P4HB: variants seen among roughly 807,000 people sequenced by gnomAD.
P4HB encodes the protein prolyl 4-hydroxylase subunit beta, also known as protein disulfide-isomerase.
In P4HB, 20 loss-of-function variants were observed where a neutral mutation model predicts 52.6. That is an observed-to-expected ratio of 0.38 (90% CI 0.27 to 0.55). P4HB has a LOEUF of 0.55. Ranked by LOEUF, P4HB falls within the 20% of genes least tolerant of loss-of-function variation. The pLI is 0.74. For synonymous variants in P4HB, 296 were observed against 277.9 expected (o/e 1.07, Z -0.65); for missense variants, 601 against 669.2 (o/e 0.90, Z 1.12).
In P4HB at chr17:81,846,748, G is replaced by T; in HGVS notation, c.856-119C>A. 2.4e-6 allele frequency: 3 copies of T among 1,259,450 alleles called. No homozygotes were observed. Among genetic ancestry groups the T allele is most frequent in the Non-Finnish European group, 3.4e-6 (3 of 889,450 alleles). 78.0% of individuals were successfully genotyped at this position (1,259,450 alleles called of 1,614,324 possible). On this transcript the variant is annotated intron_variant, in intron 6 of 10. Transcript: ENST00000331483. The surrounding 1 kb of genome is among the most constrained non-coding windows in gnomAD (Gnocchi z 5.7). ...CTTTTTCCTCCAACCTGGATTCCGG[G>T]GTTGCCCAACCAGACCAGCAGGTGA...
chr17:81,846,633 G>A lies in P4HB; in HGVS notation c.856-4C>T, dbSNP rs764903842. 1.9e-5 allele frequency: 31 copies of A among 1,613,214 alleles called. No individual in the cohort carries two copies. The South Asian group carries it at 3.0e-4, about 15-fold the overall frequency. ...TGTCGATGAAGATGAACAGGATCTG[G>A]GGGAGAAAAGGAGGTTGCACAGGTG... On this transcript the variant is annotated splice_polypyrimidine_tract_variant and splice_region_variant and intron_variant, in intron 6 of 10. Coordinates refer to ENST00000331483, the MANE Select transcript of P4HB (RefSeq NM_000918.4). The surrounding 1 kb of genome is among the most constrained non-coding windows in gnomAD (Gnocchi z 5.7).
intron 4 of P4HB, among the ~76,000 whole-genome samples, chr17:81,850,455 CTTAT>C (rs1211888494): frequency 1.3e-5 from 2 of 150,920 alleles, no homozygotes; most frequent in South Asian, 2.1e-4. Flanking sequence ...TTTTAAAATA[CTTAT>C]TTATTTAATT....
intron 1 of P4HB, 86 bp from the exon 2 acceptor site, chr17:81,859,473 G>T: frequency 8.4e-7 from 1 of 1,188,934 alleles, no homozygotes; most frequent in Non-Finnish European, 1.2e-6. Flanking sequence ...TTTTCCTCTG[G>T]CATTTCCCTT....
At chr17:81,856,118 C>G (rs1292930200) in intron 2 of P4HB, 2 of 152,684 alleles carry the variant, frequency 1.3e-5, no homozygotes, top group African/African-American at 4.8e-5. Flanking sequence ...GTTTGCCCAC[C>G]ACGACTTCCC....
At chr17:81,858,967 A>C in intron 2 of P4HB, 1 of 574,058 alleles carries the variant, frequency 1.7e-6, no homozygotes, top group East Asian at 3.0e-5. Context: ...GGCACCAGAC[A>C]AGACAGGTTC....
In P4HB at chr17:81,846,719, G is replaced by C; in HGVS notation, c.856-90C>G. ...TTGCTCGGAAGCAGACCGTGCTCCG[G>C]TGCCTTTTTCCTCCAACCTGGATTC... On this transcript the variant is annotated intron_variant, in intron 6 of 10. Coordinates refer to ENST00000331483, the MANE Select transcript of P4HB (RefSeq NM_000918.4). The surrounding 1 kb of genome is among the most constrained non-coding windows in gnomAD (Gnocchi z 5.7). 2 of 1,375,790 alleles carry C rather than the reference G, an allele frequency of 1.5e-6. No individual in the cohort carries two copies. Among genetic ancestry groups the C allele is most frequent in the East Asian group, 4.7e-5 (2 of 42,634 alleles). 85.2% of individuals were successfully genotyped at this position (1,375,790 alleles called of 1,614,324 possible). A position where few individuals can be genotyped will look rare whatever the true frequency, so the allele number is the denominator to read the frequency against.
Position 81,855,803 on chromosome 17 carries a change from G to A in P4HB, c.353-217C>T, listed in dbSNP as rs1598270598. ...TGGTTGTGTTTATGGGGAGTGGAGA[G>A]GGAAGAGGGTGATTCTGTCTCTGAA... is the stretch of plus-strand genomic sequence containing the variant. On this transcript the variant is annotated intron_variant, in intron 2 of 10. Transcript: ENST00000331483. The surrounding 1 kb of genome is among the most constrained non-coding windows in gnomAD (Gnocchi z 4.3). 3.9e-6 allele frequency: 2 copies of A among 515,056 alleles called. No homozygotes were observed. The highest frequency in any genetic ancestry group is 6.8e-6 in the Non-Finnish European group (2 of 293,154). The allele number at this position is 515,056 out of a possible 1,614,324, so 31.9% of individuals were successfully genotyped here.
rs1167492062 is a variant in P4HB, at chr17:81,855,662, GCT to G, written c.353-78_353-77del. 2.0e-6 allele frequency: 3 copies of G among 1,527,718 alleles called. No individual in the cohort carries two copies. The African/African-American group carries it at 4.1e-5, about 21-fold the overall frequency. The allele number at this position is 1,527,718 out of a possible 1,614,324, so 94.6% of individuals were successfully genotyped here. A position where few individuals can be genotyped will look rare whatever the true frequency, so the allele number is the denominator to read the frequency against. On this transcript the variant is annotated intron_variant, in intron 2 of 10. Transcript: ENST00000331483. This position sits in a 1 kb window ranked among gnomAD's most constrained non-coding sequence, Gnocchi z 4.3. ...CCCTGCCGCGCCTGCTCCCGTCTCTGCTCTCTGCCAGCCAGGCTGAGGACACC... is the reference window on the plus strand; with the variant it reads ...CCCTGCCGCGCCTGCTCCCGTCTCTGCTCTGCCAGCCAGGCTGAGGACACC...
intron 4 of P4HB, among the ~76,000 whole-genome samples, chr17:81,852,403 G>T (rs758299785): frequency 3.3e-5 from 5 of 152,220 alleles, no homozygotes; most frequent in South Asian, 2.1e-4. Context: ...ACACAGGAAG[G>T]CCTCACTCAC....
rs150673797 is a variant in P4HB, at chr17:81,844,998, C to T, written c.1446+146G>A. The T allele has an allele frequency of 1.9e-5, 12 of 642,110 alleles. 1 individual carries two copies. The highest frequency in any genetic ancestry group is 7.1e-5 in the South Asian group (4 of 56,168). The allele number at this position is 642,110 out of a possible 1,614,324, so 39.8% of individuals were successfully genotyped here. A position where few individuals can be genotyped will look rare whatever the true frequency, so the allele number is the denominator to read the frequency against. On this transcript the variant is annotated intron_variant, in intron 10 of 10. Coordinates refer to ENST00000331483, the MANE Select transcript of P4HB (RefSeq NM_000918.4). ...GGAGCACATCCCTTGCCCTGCTGGGCGAAGGTGTGGGGCCCCAGAGCCCTG... is the reference window on the plus strand; with the variant it reads ...GGAGCACATCCCTTGCCCTGCTGGGTGAAGGTGTGGGGCCCCAGAGCCCTG...
At chr17:81,845,805 G>A in intron 8 of P4HB, 63 bp from the exon 9 acceptor site, 1 of 1,612,992 alleles carries the variant, frequency 6.2e-7, no homozygotes, top group Non-Finnish European at 8.5e-7. Context: ...CGCTTCCCCA[G>A]GAGTCTGCCT....
Position 81,855,760 on chromosome 17 carries a change from C to A in P4HB, c.353-174G>T, listed in dbSNP as rs1598270552. ...GTGCCGTCCGCCCGCCTCCTAAACC[C>A]CAGTGTACGTGAGACTGTGGTTGTG... is the stretch of plus-strand genomic sequence containing the variant. On this transcript the variant is annotated intron_variant, in intron 2 of 10. Coordinates refer to ENST00000331483, the MANE Select transcript of P4HB (RefSeq NM_000918.4). The surrounding 1 kb of genome is among the most constrained non-coding windows in gnomAD (Gnocchi z 4.3). The A allele has an allele frequency of 1.6e-6, 1 of 643,920 alleles. No homozygotes were observed. The highest frequency in any genetic ancestry group is 2.8e-5 in the East Asian group (1 of 35,620). The allele number at this position is 643,920 out of a possible 1,614,324, so 39.9% of individuals were successfully genotyped here.
intron 4 of P4HB, among the ~76,000 whole-genome samples, chr17:81,854,237 C>A (rs1361154668): frequency 6.6e-6 from 1 of 152,216 alleles, no homozygotes; most frequent in Non-Finnish European, 1.5e-5. Context: ...GTAGTTAATA[C>A]TTTAGAATAG....
At chr17:81,860,239 A>C (rs1241350071) in intron 1 of P4HB, 88 bp downstream of exon 1, 3 of 1,137,210 alleles carry the variant, frequency 2.6e-6, no homozygotes, top group African/African-American at 1.6e-5. Flanking sequence ...GGGGGTCCCG[A>C]CCCCGGGGGC....
chr17:81,844,380 G>T (rs1018360114), intron 10 of P4HB, among the ~76,000 whole-genome samples: 1 of 152,186 alleles, frequency 6.6e-6, no homozygotes, highest in African/African-American at 2.4e-5. Flanking sequence ...GGCATGGAAG[G>T]CGTATGTGTG....
In P4HB at chr17:81,843,809, T is replaced by A; in HGVS notation, c.*203A>T. 5 of 610,066 alleles carry A rather than the reference T, an allele frequency of 8.2e-6. No homozygotes were observed. The highest frequency in any genetic ancestry group is 1.5e-5 in the Non-Finnish European group (5 of 342,908). 37.8% of individuals were successfully genotyped at this position (610,066 alleles called of 1,614,324 possible). A position where few individuals can be genotyped will look rare whatever the true frequency, so the allele number is the denominator to read the frequency against. On this transcript the variant is annotated 3_prime_UTR_variant, in exon 11 of 11. Transcript: ENST00000331483. ...CCAGGGTGGGCTGCCTGGAGATGGA[T>A]CCCTTTCCAAAAACCGAAAAGCAGA...
chr17:81,845,570 G>C lies in P4HB; in HGVS notation c.1350C>G (p.Ala450=). The C allele has an allele frequency of 1.2e-6, 2 of 1,601,170 alleles. No individual in the cohort carries two copies. The highest frequency in any genetic ancestry group is 1.7e-6 in the Non-Finnish European group (2 of 1,170,592). The change falls in exon 9 of 11, where the codon GCC becomes GCG. Residue 450 remains alanine, a synonymous_variant. Coordinates refer to ENST00000331483, the MANE Select transcript of P4HB (RefSeq NM_000918.4). ...TGGAGGGAAGGCGCACCGTCCTGTC[G>C]GCACTGGCAGGAAAGAACTTGAGTG... ...FPTLKFFPAS[A]DRTVIDYNGE...
intron 4 of P4HB, among the ~76,000 whole-genome samples, chr17:81,848,191 C>T (rs375269790): frequency 1.3e-4 from 20 of 152,306 alleles, no homozygotes; most frequent in East Asian, 1.2e-3. Context: ...TGAGCCACCG[C>T]GCCCGGCTGG....
chr17:81,845,671 G>A lies in P4HB; in HGVS notation c.1249C>T (p.His417Tyr). The change falls in exon 9 of 11, where the codon CAT (histidine) becomes TAT (tyrosine). Residue 417 changes from histidine (H) to tyrosine (Y), a missense_variant. By Grantham distance (83) the His-to-Tyr change is moderately conservative (BLOSUM62 2). Coordinates refer to ENST00000331483, the MANE Select transcript of P4HB (RefSeq NM_000918.4). ...WDKLGETYKD[H>Y]ENIVIAKMDS... is the part of the protein sequence containing the mutation. ...ATCTTGGCGATGACGATGTTCTCATGGTCCTTGTACGTCTCTCCCAGTTTA... is the reference window on the plus strand; with the variant it reads ...ATCTTGGCGATGACGATGTTCTCATAGTCCTTGTACGTCTCTCCCAGTTTA... 6.2e-7 allele frequency: 1 copy of A among 1,613,898 alleles called. No individual in the cohort carries two copies. The highest frequency in any genetic ancestry group is 1.1e-5 in the South Asian group (1 of 91,084).
Sources: allele counts gnomAD v4.1 joint callset (sites outside exome capture counted in the v4.1 genomes callset), GRCh38; gene constraint gnomAD v4.1.1; non-coding constraint Gnocchi (gnomAD v3.1); transcripts MANE v1.5; gene names NCBI Gene and HGNC (gene_info 2026-07-23, HGNC 2026-07-21).